Variants in EML6 observed in about 807,000 individuals in gnomAD.
EML6 encodes the protein EMAP like 6, also known as echinoderm microtubule-associated protein-like 6.
Under a neutral mutation model 240.1 loss-of-function variants are expected in EML6, and 154 were observed. The observed-to-expected ratio is 0.64, with a 90% CI of 0.56 to 0.73. The LOEUF is 0.73. EML6 is among the 30% of genes least tolerant of loss of function. EML6 has a pLI of 0.00. For missense variants in EML6, 2,964 were observed against 2,474.6 expected (o/e 1.20, Z -4.20); for synonymous variants, 1,148 against 899.0 (o/e 1.28, Z -4.95).
At chr2:54,872,451 G>T (rs909273424) in intron 16 of EML6, among the ~76,000 whole-genome samples, 1 of 151,900 alleles carries the variant, frequency 6.6e-6, no homozygotes, top group Non-Finnish European at 1.5e-5. Context: ...TCCTCTCCCC[G>T]TTCAAGCCCT....
chr2:54,853,936 G>A (rs1670231172), intron 11 of EML6, 81 bp downstream of exon 11: 2 of 806,834 alleles, frequency 2.5e-6, no homozygotes, highest in Non-Finnish European at 3.8e-6. Context: ...TCTTCCTGCT[G>A]TCTATTCCAA....
At position 54,948,896 on chromosome 2, in the gene EML6, G is replaced by A. The variant is rs2104477383; in HGVS notation, c.4019G>A (p.Arg1340Gln). The A allele has an allele frequency of 4.5e-6, 7 of 1,551,372 alleles. No individual in the cohort carries two copies. Among genetic ancestry groups the A allele is most frequent in the Non-Finnish European group, 6.1e-6 (7 of 1,146,916 alleles). The change falls in exon 29 of 42, where the codon CGA (arginine) becomes CAA (glutamine). Residue 1340 changes from arginine to glutamine, a missense_variant. Arg to Gln is a conservative substitution (Grantham distance 43, BLOSUM62 1). Coordinates refer to ENST00000356458, the MANE Select transcript of EML6 (RefSeq NM_001039753.4). ...VSVEERPPVSRAAPQPEKLQK... is the reference protein window; with the variant it reads ...VSVEERPPVSQAAPQPEKLQK... ...CTCTCTTCCAGACCACCCGTTAGCCGAGCAGCTCCCCAGCCTGAGAAACTG... is the reference window on the plus strand; with the variant it reads ...CTCTCTTCCAGACCACCCGTTAGCCAAGCAGCTCCCCAGCCTGAGAAACTG...
At chr2:54,928,097 C>T (rs535880867) in intron 26 of EML6, among the ~76,000 whole-genome samples, 2 of 152,288 alleles carry the variant, frequency 1.3e-5, no homozygotes, top group African/African-American at 4.8e-5. Flanking sequence ...TTCATTCATT[C>T]CCTCAAAAAT....
In EML6 at chr2:54,850,322, G is replaced by A. The variant is rs941362728; in HGVS notation, c.1444+104G>A. 5 of 1,095,942 alleles carry A rather than the reference G, an allele frequency of 4.6e-6. No individual in the cohort carries two copies. The Admixed American group carries it at 8.4e-5, about 18-fold the overall frequency. 67.9% of individuals were successfully genotyped at this position (1,095,942 alleles called of 1,614,324 possible). Reference sequence around the variant, plus strand: ...TGGCTCTTTTAGAATTTGTACAGCAGGTTTTCTGGTTTTTGCCGGAAAGCA... The same window carrying A: ...TGGCTCTTTTAGAATTTGTACAGCAAGTTTTCTGGTTTTTGCCGGAAAGCA... On this transcript the variant is annotated intron_variant, in intron 10 of 41. Coordinates refer to ENST00000356458, the MANE Select transcript of EML6 (RefSeq NM_001039753.4).
intron 39 of EML6, among the ~76,000 whole-genome samples, chr2:54,967,641 CAGTA>C (rs1676807266): frequency 1.3e-5 from 2 of 151,572 alleles, no homozygotes; most frequent in East Asian, 3.9e-4. Flanking sequence ...AGAGGGGGAA[CAGTA>C]AGAGCTGGCA....
intron 7 of EML6, among the ~76,000 whole-genome samples, chr2:54,835,254 T>C (rs75230252): frequency 0.013 from 2,034 of 152,330 alleles, 37 homozygotes; most frequent in African/African-American, 0.046. Flanking sequence ...TTCTGTGTTA[T>C]GTTCTTGGCT....
In EML6 at chr2:54,958,006, C is replaced by G. The variant is rs1024768273; in HGVS notation, c.4695+8C>G. On this transcript the variant is annotated splice_region_variant and intron_variant, in intron 33 of 41. Transcript: ENST00000356458. Reference sequence around the variant, plus strand: ...TCCGTGGCCTTCGGTGCTGTGAGTTCTAGCAGATACTCCCTGAGAAGGGGA... The same window carrying G: ...TCCGTGGCCTTCGGTGCTGTGAGTTGTAGCAGATACTCCCTGAGAAGGGGA... 14 of 1,544,216 alleles carry G rather than the reference C, an allele frequency of 9.1e-6. No individual in the cohort carries two copies. In the African/African-American group the frequency reaches 1.1e-4, roughly 12 times the overall value.
intron 11 of EML6, among the ~76,000 whole-genome samples, chr2:54,858,143 A>G (rs1420242762): frequency 6.6e-6 from 1 of 152,218 alleles, no homozygotes; most frequent in African/African-American, 2.4e-5. Flanking sequence ...CGCTTCTTCC[A>G]AGATGGCTCA....
intron 10 of EML6, among the ~76,000 whole-genome samples, chr2:54,852,788 T>C (rs1670160610): frequency 6.6e-6 from 1 of 152,236 alleles, no homozygotes. Flanking sequence ...AAATACTTAT[T>C]CTGAGAGAGA....
At chr2:54,793,983 C>G (rs972728236) in intron 2 of EML6, among the ~76,000 whole-genome samples, 1 of 152,216 alleles carries the variant, frequency 6.6e-6, no homozygotes, top group Non-Finnish European at 1.5e-5. Flanking sequence ...TGAAATAGCT[C>G]TTCGGTCAAT....
chr2:54,964,130 G>C lies in EML6; in HGVS notation c.5302G>C (p.Asp1768His). ...CCTGAAAGTTTGGGGGAAAAAACGA[G>C]ACCGGAAATCTGCTATCCAAGATAT... ...NSLKVWGKKR[D>H]RKSAIQDIRI... The change falls in exon 37 of 42, where the codon GAC becomes CAC. Residue 1768 changes from aspartate (D) to histidine (H), a missense_variant. By Grantham distance (81) the Asp-to-His change is moderately conservative (BLOSUM62 -1). Coordinates refer to ENST00000356458, the MANE Select transcript of EML6 (RefSeq NM_001039753.4). 1 of 1,551,706 alleles carries C rather than the reference G, an allele frequency of 6.4e-7. No individual in the cohort carries two copies. Among genetic ancestry groups the C allele is most frequent in the Non-Finnish European group, 8.7e-7 (1 of 1,146,994 alleles).
intron 7 of EML6, among the ~76,000 whole-genome samples, chr2:54,841,319 A>G (rs555527905): frequency 5.1e-4 from 77 of 152,348 alleles, no homozygotes; most frequent in Non-Finnish European, 8.8e-4. Context: ...GGCGGGAATA[A>G]TACATCGGCC....
intron 2 of EML6, among the ~76,000 whole-genome samples, chr2:54,735,518 G>A (rs72913549): frequency 0.035 from 5,353 of 152,190 alleles, 336 homozygotes; most frequent in African/African-American, 0.12. Flanking sequence ...TATTTGAATG[G>A]CAATAATGAC....
intron 5 of EML6, among the ~76,000 whole-genome samples, chr2:54,822,408 G>C (rs1232878583): frequency 2.0e-5 from 3 of 152,144 alleles, no homozygotes; most frequent in Admixed American, 6.5e-5. Flanking sequence ...CAAATTGTTA[G>C]AAGTATGAAC....
chr2:54,781,534 C>G (rs1158886014), intron 2 of EML6, among the ~76,000 whole-genome samples: 1 of 152,096 alleles, frequency 6.6e-6, no homozygotes, highest in African/African-American at 2.4e-5. Flanking sequence ...CTAATTGTAT[C>G]TAGACAGTAC....
At chr2:54,852,158 T>C (rs1473326815) in intron 10 of EML6, among the ~76,000 whole-genome samples, 3 of 152,230 alleles carry the variant, frequency 2.0e-5, no homozygotes, top group Middle Eastern at 3.2e-3. Context: ...TCTTACTGGT[T>C]ATTTGGTGAA....
chr2:54,776,854 G>A (rs964974611), intron 2 of EML6, among the ~76,000 whole-genome samples: 6 of 152,152 alleles, frequency 3.9e-5, no homozygotes, highest in Non-Finnish European at 7.4e-5. Flanking sequence ...CCCTGGTGAG[G>A]GACTGACTTC....
chr2:54,835,292 C>G (rs1023420882), intron 7 of EML6, among the ~76,000 whole-genome samples: 2 of 152,178 alleles, frequency 1.3e-5, no homozygotes, highest in African/African-American at 4.8e-5. Context: ...AGGTAGGGAT[C>G]TTTGTTCACT....
chr2:54,733,572 C>T (rs1044520334), intron 2 of EML6, among the ~76,000 whole-genome samples: 4 of 152,284 alleles, frequency 2.6e-5, no homozygotes, highest in African/African-American at 4.8e-5. Context: ...CAGGGATTCA[C>T]GTCTCTGCTT....
Sources: allele counts gnomAD v4.1 joint callset (sites outside exome capture counted in the v4.1 genomes callset), GRCh38; gene constraint gnomAD v4.1.1; transcripts MANE v1.5; gene names NCBI Gene and HGNC (gene_info 2026-07-23, HGNC 2026-07-21).